Variants in COL9A1 observed in about 807,000 individuals in gnomAD.
COL9A1 encodes collagen type IX alpha 1 chain, also known as collagen alpha-1(IX) chain.
In COL9A1, 104 loss-of-function variants were observed where a neutral mutation model predicts 142.6. The ratio of observed to expected loss-of-function variants is 0.73; its 90% confidence interval spans 0.62 to 0.86. The LOEUF is 0.86. COL9A1 is among the 40% of genes least tolerant of loss of function. The pLI is 0.00. For synonymous variants in COL9A1, 466 were observed against 396.0 expected, an observed-to-expected ratio of 1.18 and a Z score of -2.10; for missense variants, 1,210 against 1,176.6, an observed-to-expected ratio of 1.03 and a Z score of -0.42.
At chr6:70,244,047 A>C (rs1443511165) in intron 28 of COL9A1, among the ~76,000 whole-genome samples, 1 of 152,224 alleles carries the variant, frequency 6.6e-6, no homozygotes, top group Non-Finnish European at 1.5e-5. Context: ...TAAGTTTAAC[A>C]AAGTGTAAAG....
At chr6:70,282,762 C>T (rs1773243977) in intron 7 of COL9A1, 136 bp downstream of exon 7, 2 of 1,348,256 alleles carry the variant, frequency 1.5e-6, no homozygotes, top group African/African-American at 1.4e-5. Context: ...GCGGCAGGTG[C>T]TCGAGGCTGG....
At chr6:70,242,097 C>T (rs1271841459) in intron 29 of COL9A1, 62 bp from the exon 30 acceptor site, 1 of 1,388,546 alleles carries the variant, frequency 7.2e-7, no homozygotes, top group Non-Finnish European at 1.0e-6. Context: ...GCACGGAAGG[C>T]AGAAACAACC....
At chr6:70,265,780 A>T (rs1490345818) in intron 18 of COL9A1, among the ~76,000 whole-genome samples, 1 of 152,102 alleles carries the variant, frequency 6.6e-6, no homozygotes, top group Non-Finnish European at 1.5e-5. Flanking sequence ...GTAATAGGTT[A>T]CAGAAAATTG....
Position 70,253,425 on chromosome 6 carries a change from A to G in COL9A1, c.1724T>C (p.Val575Ala), listed in dbSNP as rs370372906. ...ACCCTTTGCACCAGGAATTCCAGGT[A>G]CACCCTAAAAGAATACATACACAAT... ...GDAGLQGLPG[V>A]PGIPGAKGVA... is the part of the protein sequence containing the mutation. Residue 575 changes from valine (V) to alanine (A), a missense_variant, in exon 26 of 38, where the codon GTA (valine) becomes GCA (alanine). Coordinates refer to ENST00000357250, the MANE Select transcript of COL9A1 (RefSeq NM_001851.6). 15 of 1,605,658 alleles carry G rather than the reference A, an allele frequency of 9.3e-6. No individual in the cohort carries two copies. Among genetic ancestry groups the G allele is most frequent in the Non-Finnish European group, 1.0e-5 (12 of 1,172,996 alleles).
At chr6:70,281,768 G>A (rs967904434) in intron 7 of COL9A1, among the ~76,000 whole-genome samples, 6 of 152,012 alleles carry the variant, frequency 3.9e-5, no homozygotes, top group African/African-American at 1.4e-4. Flanking sequence ...GAAAAGGAAG[G>A]GTCTAACGCC....
intron 33 of COL9A1, among the ~76,000 whole-genome samples, chr6:70,237,495 A>G (rs1769988178): frequency 6.6e-6 from 1 of 152,238 alleles, no homozygotes; most frequent in Non-Finnish European, 1.5e-5. Context: ...TTACCTGGGC[A>G]GTGTCAGGTA....
chr6:70,220,348 AT>A (rs1304080168), intron 37 of COL9A1, among the ~76,000 whole-genome samples: 2 of 150,014 alleles, frequency 1.3e-5, no homozygotes, highest in African/African-American at 5.0e-5. Context: ...CTACCTATTG[AT>A]TTTTTTAACT....
intron 28 of COL9A1, among the ~76,000 whole-genome samples, chr6:70,244,569 A>G (rs904858204): frequency 3.3e-5 from 5 of 152,206 alleles, no homozygotes; most frequent in African/African-American, 1.2e-4. Context: ...TGGTGGGGAA[A>G]AGTTAATATC....
At chr6:70,283,857 T>G (rs753745918) in intron 5 of COL9A1, 37 bp from the exon 6 acceptor site, 5 of 1,467,888 alleles carry the variant, frequency 3.4e-6, no homozygotes, top group Non-Finnish European at 4.7e-6. Flanking sequence ...TAAGGTTTTT[T>G]GGACGACTGA....
At chr6:70,291,061 T>C (rs1773640881) in intron 5 of COL9A1, among the ~76,000 whole-genome samples, 1 of 152,126 alleles carries the variant, frequency 6.6e-6, no homozygotes, top group Non-Finnish European at 1.5e-5. Context: ...TCATTGTTCA[T>C]CTTCAGCAAT....
chr6:70,255,506 T>C (rs991914451), intron 21 of COL9A1, 116 bp from the exon 22 acceptor site: 1 of 909,188 alleles, frequency 1.1e-6, no homozygotes, highest in Non-Finnish European at 1.8e-6. Context: ...ACAATGGCTT[T>C]GCTCTATCAA....
At chr6:70,271,775 C>A in intron 13 of COL9A1, 67 bp from the exon 14 acceptor site, 1 of 1,391,024 alleles carries the variant, frequency 7.2e-7, no homozygotes, top group East Asian at 2.4e-5. Flanking sequence ...TACATTATAT[C>A]AAATATGATA....
chr6:70,302,864 C>A, intron 1 of COL9A1, 47 bp downstream of exon 1: 1 of 1,605,708 alleles, frequency 6.2e-7, no homozygotes, highest in Non-Finnish European at 8.5e-7. Context: ...GTTCTGAGGA[C>A]CCCCAGCTCC....
chr6:70,240,594 T>TATACAC, intron 32 of COL9A1, 95 bp downstream of exon 32: 2 of 643,514 alleles, frequency 3.1e-6, no homozygotes, highest in Non-Finnish European at 5.3e-6. Context: ...TATATATATA[T>TATACAC]ACCAATTTTG....
Position 70,295,281 on chromosome 6 carries a change from C to CTTTTTTTTTT in COL9A1, c.300-728_300-719dup, listed in dbSNP as rs1171549562. 1.0e-3 allele frequency among the ~76,000 whole-genome samples: 65 copies of CTTTTTTTTTT among 63,166 alleles called. 5 individuals are homozygous for CTTTTTTTTTT. The highest frequency in any genetic ancestry group is 3.9e-3 in the African/African-American group (61 of 15,658). 41.4% of individuals were successfully genotyped at this position (63,166 alleles called of 152,430 possible). A position where few individuals can be genotyped will look rare whatever the true frequency, so the allele number is the denominator to read the frequency against. ...CTCTACTGCAACTCTGTTGTTGCTT[C>CTTTTTTTTTT]TTTTTTTTTTTTTTTTTTTTTTTTT... On this transcript the variant is annotated intron_variant, in intron 4 of 37. Coordinates refer to ENST00000357250, the MANE Select transcript of COL9A1 (RefSeq NM_001851.6).
chr6:70,239,737 T>TA (rs1355445740), intron 32 of COL9A1, among the ~76,000 whole-genome samples: 8 of 152,318 alleles, frequency 5.3e-5, no homozygotes, highest in African/African-American at 1.7e-4. Context: ...TTTTATGCTT[T>TA]AAAAAATAAA....
chr6:70,270,196 C>A (rs1251408365), intron 15 of COL9A1, 118 bp downstream of exon 15: 3 of 968,056 alleles, frequency 3.1e-6, no homozygotes, highest in Non-Finnish European at 3.3e-6. Context: ...AAATTGATAG[C>A]CGTTTTGGAA....
intron 34 of COL9A1, 47 bp from the exon 35 acceptor site, chr6:70,234,640 G>C (rs1265844970): frequency 1.2e-5 from 19 of 1,611,178 alleles, no homozygotes; most frequent in Non-Finnish European, 1.4e-5. Context: ...AAACCATAAA[G>C]AGAACATTGT....
chr6:70,217,063 C>G lies in COL9A1; in HGVS notation c.2600G>C (p.Ser867Thr). The change falls in exon 38 of 38, where the codon AGC (serine) becomes ACC (threonine). Residue 867 changes from serine to threonine, a missense_variant. By Grantham distance (58) the Ser-to-Thr change is moderately conservative. Transcript: ENST00000357250. ...IGLPGDPGPA[S>T]YGRNGRDGER... Reference sequence around the variant, plus strand: ...ACCGTCTCGGCCATTTCTGCCATAGCTGGCAGGGCCTGGGTCACCTGAAAC... The same window carrying G: ...ACCGTCTCGGCCATTTCTGCCATAGGTGGCAGGGCCTGGGTCACCTGAAAC... 3 of 1,614,080 alleles carry G rather than the reference C, an allele frequency of 1.9e-6. No individual in the cohort carries two copies. In the Middle Eastern group the frequency reaches 4.9e-4, roughly 266 times the overall value.
Sources: gnomAD v4.1 joint callset for allele counts (sites outside exome capture counted in the v4.1 genomes callset) on GRCh38, gnomAD v4.1.1 for gene constraint, MANE v1.5 for transcripts, NCBI Gene and HGNC (gene_info 2026-07-23, HGNC 2026-07-21) for gene names.